Variants in ACSBG2 observed in about 807,000 individuals in gnomAD.
The protein encoded by ACSBG2 is acyl-CoA synthetase bubblegum family member 2, also known as long-chain-fatty-acid--CoA ligase ACSBG2.
ACSBG2 carries 62 observed loss-of-function variants against 74.7 expected under a neutral mutation model. The observed-to-expected ratio is 0.83, with a 90% CI of 0.68 to 1.03. The LOEUF (loss-of-function observed/expected upper bound fraction) is 1.03, where lower values mean the gene tolerates loss of function less well. ACSBG2 is among the 50% of genes least tolerant of loss of function. The probability of loss-of-function intolerance (pLI) is 0.00; values close to 1 mark genes in which losing one functional copy is unlikely to be tolerated. For synonymous variants in ACSBG2, 309 were observed against 294.1 expected, an observed-to-expected ratio of 1.05 and a Z score of -0.52; for missense variants, 730 against 817.6, an observed-to-expected ratio of 0.89 and a Z score of 1.31.
chr19:6,156,780 G>T, intron 5 of ACSBG2, among the ~76,000 whole-genome samples: 1 of 145,686 alleles, frequency 6.9e-6, no homozygotes, highest in South Asian at 2.1e-4. Context: ...TTAATACTCA[G>T]CCTCCATTTT....
At chr19:6,170,682 C>T (rs945789404) in intron 7 of ACSBG2, among the ~76,000 whole-genome samples, 36 of 152,066 alleles carry the variant, frequency 2.4e-4, no homozygotes, top group African/African-American at 7.7e-4. Flanking sequence ...TCTTAGAGAA[C>T]GTTCCATGTG....
At chr19:6,183,798 T>C (rs2090327660) in intron 10 of ACSBG2, among the ~76,000 whole-genome samples, 1 of 152,186 alleles carries the variant, frequency 6.6e-6, no homozygotes, top group Non-Finnish European at 1.5e-5. Context: ...TACATGTGTT[T>C]ATTTATTAAA....
At chr19:6,161,076 G>A (rs2089592727) in intron 5 of ACSBG2, 139 bp from the exon 6 acceptor site, 1 of 574,930 alleles carries the variant, frequency 1.7e-6, no homozygotes. Flanking sequence ...CTCCAGCCTG[G>A]GCGACAGAGC....
intron 4 of ACSBG2, among the ~76,000 whole-genome samples, chr19:6,152,947 A>G (rs2089288132): frequency 6.6e-6 from 1 of 152,206 alleles, no homozygotes; most frequent in South Asian, 2.1e-4. Flanking sequence ...AACTATGCTT[A>G]AAATTTAAAT....
In ACSBG2 at chr19:6,144,880, G is replaced by C. The variant is rs190567812; in HGVS notation, c.68-2566G>C. Reference sequence around the variant, plus strand: ...CTGACTAAATTTTGTATTTTTAATAGAGACGAGGTTTCACTATGTTGGCCA... The same window carrying C: ...CTGACTAAATTTTGTATTTTTAATACAGACGAGGTTTCACTATGTTGGCCA... On this transcript the variant is annotated intron_variant, in intron 2 of 14. Transcript: ENST00000588485. Among the ~76,000 whole-genome samples, 16 of 152,058 alleles carry C rather than the reference G, an allele frequency of 1.1e-4. No individual in the cohort carries two copies. The East Asian group carries it at 2.9e-3, about 28-fold the overall frequency.
Position 6,156,485 on chromosome 19 carries a change from C to T in ACSBG2, c.441C>T (p.Val147=). The change falls in exon 5 of 15, where the codon GTC becomes GTT. Residue 147 remains valine (V), a synonymous_variant. Coordinates refer to ENST00000588485, the MANE Select transcript of ACSBG2 (RefSeq NM_030924.5). ...ATNSAEVCQY[V]ITHAKVNILL... is the part of the protein sequence containing the mutation. ...ACTCTGCCGAGGTTTGTCAATATGTCATCACTCATGCCAAAGTGAACATCT... is the reference window on the plus strand; with the variant it reads ...ACTCTGCCGAGGTTTGTCAATATGTTATCACTCATGCCAAAGTGAACATCT... 6.3e-7 allele frequency: 1 copy of T among 1,596,440 alleles called. No homozygotes were observed. Among genetic ancestry groups the T allele is most frequent in the Admixed American group, 1.8e-5 (1 of 56,280 alleles).
intron 3 of ACSBG2, 92 bp downstream of exon 3, chr19:6,147,767 C>T: frequency 7.2e-7 from 1 of 1,396,518 alleles, no homozygotes; most frequent in South Asian, 1.2e-5. Context: ...TCACAAGGCA[C>T]CAAAAGATAC....
At chr19:6,162,122 T>G (rs1235122122) in intron 6 of ACSBG2, among the ~76,000 whole-genome samples, 1 of 151,540 alleles carries the variant, frequency 6.6e-6, no homozygotes, top group African/African-American at 2.4e-5. Flanking sequence ...AAAAATTAGC[T>G]GGGCATGGTG....
Position 6,165,966 on chromosome 19 carries a change from C to T in ACSBG2, c.689C>T (p.Thr230Ile), listed in dbSNP as rs542085004. The change falls in exon 7 of 15, where the codon ACT (threonine) becomes ATT (isoleucine). Residue 230 changes from threonine to isoleucine, a missense_variant. By Grantham distance (89) the Thr-to-Ile change is moderately conservative (BLOSUM62 -1). Coordinates refer to ENST00000588485, the MANE Select transcript of ACSBG2 (RefSeq NM_030924.5). ...AATCAATGCGCAGTGCTCATCTACACTTCAGGGACCACAGGCATACCCAAG... is the reference window on the plus strand; with the variant it reads ...AATCAATGCGCAGTGCTCATCTACATTTCAGGGACCACAGGCATACCCAAG... ...KANQCAVLIY[T>I]SGTTGIPKGV... 1.1e-5 allele frequency: 18 copies of T among 1,614,198 alleles called. No individual in the cohort carries two copies. In the South Asian group the frequency reaches 2.0e-4, roughly 18 times the overall value.
At chr19:6,157,639 A>G (rs992427271) in intron 5 of ACSBG2, among the ~76,000 whole-genome samples, 1 of 151,284 alleles carries the variant, frequency 6.6e-6, no homozygotes, top group Non-Finnish European at 1.5e-5. Context: ...CTGCTGTTGA[A>G]CTTCTGGCCT....
At chr19:6,141,711 T>C in intron 2 of ACSBG2, 101 bp downstream of exon 2, 1 of 809,414 alleles carries the variant, frequency 1.2e-6, no homozygotes, top group South Asian at 1.6e-5. Flanking sequence ...AGCCATTCCT[T>C]GCCTGACCCT....
rs187638554 is a variant in ACSBG2 at position 6,149,492 on chromosome 19, T to G, written c.297+1817T>G. ...CCACATTCAGAACAAGTCTGTACCTTTACATGTGCAACTTTTTTTTTTTTT... is the reference window on the plus strand; with the variant it reads ...CCACATTCAGAACAAGTCTGTACCTGTACATGTGCAACTTTTTTTTTTTTT... On this transcript the variant is annotated intron_variant, in intron 3 of 14. Coordinates refer to ENST00000588485, the MANE Select transcript of ACSBG2 (RefSeq NM_030924.5). Among the ~76,000 whole-genome samples, 8 of 146,642 alleles carry G rather than the reference T, an allele frequency of 5.5e-5. No individual in the cohort carries two copies. The East Asian group carries it at 1.6e-3, about 30-fold the overall frequency.
At chr19:6,181,820 C>CA (rs1648357399) in intron 8 of ACSBG2, among the ~76,000 whole-genome samples, 2 of 124,444 alleles carry the variant, frequency 1.6e-5, no homozygotes, top group African/African-American at 6.0e-5. Flanking sequence ...CCCGCCCCCC[C>CA]CCCCAACGAA....
At chr19:6,179,976 A>G (rs1430605112) in intron 8 of ACSBG2, among the ~76,000 whole-genome samples, 1 of 152,112 alleles carries the variant, frequency 6.6e-6, no homozygotes, top group Non-Finnish European at 1.5e-5. Flanking sequence ...GCTAAAATCA[A>G]TATGTCATCA....
chr19:6,166,707 C>T (rs1368525570), intron 7 of ACSBG2, among the ~76,000 whole-genome samples: 1 of 152,072 alleles, frequency 6.6e-6, no homozygotes, highest in Non-Finnish European at 1.5e-5. Flanking sequence ...AGTGGCACTC[C>T]ACTCACTGCA....
intron 8 of ACSBG2, 56 bp from the exon 9 acceptor site, chr19:6,182,695 A>G: frequency 1.3e-6 from 2 of 1,545,410 alleles, no homozygotes; most frequent in Non-Finnish European, 1.8e-6. Context: ...GGAGAGATGG[A>G]CATCCCTGGT....
At chr19:6,138,485 AG>A (rs1465781581) in intron 1 of ACSBG2, among the ~76,000 whole-genome samples, 2 of 90,934 alleles carry the variant, frequency 2.2e-5, no homozygotes, top group African/African-American at 8.5e-5. Context: ...AGAGAGGGGA[AG>A]GGGGAAGGGG....
At chr19:6,147,279 A>C (rs1472082764) in intron 2 of ACSBG2, among the ~76,000 whole-genome samples, 167 bp from the exon 3 acceptor site, 1 of 152,134 alleles carries the variant, frequency 6.6e-6, no homozygotes, top group Non-Finnish European at 1.5e-5. Context: ...AAAATAAATA[A>C]AGAGAAAGGA....
chr19:6,165,907 C>T lies in ACSBG2; in HGVS notation c.630C>T (p.Thr210=). The T allele has an allele frequency of 6.2e-7, 1 of 1,614,146 alleles. No individual in the cohort carries two copies. The highest frequency in any genetic ancestry group is 8.5e-7 in the Non-Finnish European group (1 of 1,180,010). The change falls in exon 7 of 15, where the codon ACC becomes ACT. Residue 210 remains threonine (T), a synonymous_variant. Transcript: ENST00000588485. ...FMELGRSIPD[T]QLEQVIESQK... is the part of the protein sequence containing the mutation. The stretch of plus-strand genomic sequence containing the variant: ...AACTTGGCAGAAGTATCCCTGACAC[C>T]CAACTGGAGCAGGTCATCGAGAGCC...
Sources: gnomAD v4.1 joint callset for allele counts (sites outside exome capture counted in the v4.1 genomes callset) on GRCh38, gnomAD v4.1.1 for gene constraint, MANE v1.5 for transcripts, NCBI Gene and HGNC (gene_info 2026-07-23, HGNC 2026-07-21) for gene names.